The following TRPC7 variants were observed in gnomAD, a reference collection of about 807,000 sequenced individuals.
TRPC7 encodes short transient receptor potential channel 7.
TRPC7 carries 42 observed loss-of-function variants against 90.1 expected under a neutral mutation model. That is an observed-to-expected ratio of 0.47 (90% CI 0.36 to 0.60). The LOEUF is 0.60. Ranked by LOEUF, TRPC7 falls within the 20% of genes least tolerant of loss-of-function variation. The pLI, the probability that TRPC7 is intolerant of heterozygous loss-of-function variation, is 0.00. For synonymous variants in TRPC7, 451 were observed against 436.3 expected, an observed-to-expected ratio of 1.03 and a Z score of -0.42; for missense variants, 955 against 1,112.3, an observed-to-expected ratio of 0.86 and a Z score of 2.01.
At chr5:136,305,327 C>A (rs1758578431) in intron 3 of TRPC7, among the ~76,000 whole-genome samples, 1 of 152,302 alleles carries the variant, frequency 6.6e-6, no homozygotes, top group Admixed American at 6.5e-5. Flanking sequence ...CGCCACACAC[C>A]AGCAAAGGCA....
At chr5:136,279,532 G>A (rs1230107507) in intron 3 of TRPC7, among the ~76,000 whole-genome samples, 2 of 152,104 alleles carry the variant, frequency 1.3e-5, no homozygotes, top group Non-Finnish European at 2.9e-5. Flanking sequence ...GATGTGACTG[G>A]GTTTCCAGTC....
At chr5:136,288,210 A>G (rs1016350168) in intron 3 of TRPC7, among the ~76,000 whole-genome samples, 1 of 152,042 alleles carries the variant, frequency 6.6e-6, no homozygotes, top group African/African-American at 2.4e-5. Context: ...CAGAGCTTGA[A>G]CTACACCAAG....
rs932860543 is a variant in TRPC7 at position 136,233,100 on chromosome 5, ATGTG to A, written c.1845-1555_1845-1552del. 2.3e-3 allele frequency among the ~76,000 whole-genome samples: 344 copies of A among 152,154 alleles called. 1 individual carries two copies. The highest frequency in any genetic ancestry group is 7.5e-3 in the African/African-American group (313 of 41,520). ...TATGTGTATCTGTGTGTGCGTGTGC[ATGTG>A]TGTGTGTCTACCCAGCTGTTTGGCT... On this transcript the variant is annotated intron_variant, in intron 7 of 11. Coordinates refer to ENST00000513104, the MANE Select transcript of TRPC7 (RefSeq NM_020389.3).
rs768307144 is a variant in TRPC7 at position 136,251,848 on chromosome 5, C to G, written c.1380G>C (p.Glu460Asp). Residue 460 changes from glutamate (E) to aspartate (D), a missense_variant, in exon 6 of 12, where the codon GAG (glutamate) becomes GAC (aspartate). Physicochemically the swap from Glu to Asp is conservative, Grantham distance 45. Coordinates refer to ENST00000513104, the MANE Select transcript of TRPC7 (RefSeq NM_020389.3). ...MIWSECKEIWEEGPREYVLHL... is the reference protein window; with the variant it reads ...MIWSECKEIWDEGPREYVLHL... ...GCAGCACGTACTCCCGTGGCCCCTC[C>G]TCCCAGATTTCCTTGCATTCGGACC... The G allele has an allele frequency of 8.7e-6, 14 of 1,613,902 alleles. No homozygotes were observed. In the African/African-American group the frequency reaches 1.7e-4, roughly 20 times the overall value.
At chr5:136,243,049 T>C (rs1472224076) in intron 7 of TRPC7, among the ~76,000 whole-genome samples, 2 of 152,202 alleles carry the variant, frequency 1.3e-5, no homozygotes, top group South Asian at 2.1e-4. Flanking sequence ...CACTGGGCGA[T>C]AGGGCAGGCC....
intron 2 of TRPC7, among the ~76,000 whole-genome samples, chr5:136,348,655 A>G (rs1481041201): frequency 6.6e-6 from 1 of 152,188 alleles, no homozygotes; most frequent in Non-Finnish European, 1.5e-5. Context: ...TAGAAGATTT[A>G]TATGTATTCA....
chr5:136,331,563 C>T (rs140317444), intron 2 of TRPC7, among the ~76,000 whole-genome samples: 2 of 152,290 alleles, frequency 1.3e-5, no homozygotes, highest in East Asian at 1.9e-4. Flanking sequence ...CCTGGGGAAA[C>T]ATTTCTTTCC....
chr5:136,303,293 C>T (rs1402286712), intron 3 of TRPC7, among the ~76,000 whole-genome samples: 2 of 152,182 alleles, frequency 1.3e-5, no homozygotes, highest in East Asian at 3.9e-4. Flanking sequence ...GTCAAAAGGC[C>T]GTCTTATTCT....
At chr5:136,257,339 C>T (rs1756718496) in intron 5 of TRPC7, among the ~76,000 whole-genome samples, 1 of 151,984 alleles carries the variant, frequency 6.6e-6, no homozygotes, top group African/African-American at 2.4e-5. Context: ...CACGCCACCA[C>T]ACCTGGCTAA....
At chr5:136,339,156 T>C (rs1759761221) in intron 2 of TRPC7, among the ~76,000 whole-genome samples, 1 of 152,204 alleles carries the variant, frequency 6.6e-6, no homozygotes, top group Admixed American at 6.5e-5. Context: ...TCTATTATGT[T>C]CCATCTTGCT....
chr5:136,291,298 C>A (rs1278718808), intron 3 of TRPC7, among the ~76,000 whole-genome samples: 1 of 152,164 alleles, frequency 6.6e-6, no homozygotes, highest in Non-Finnish European at 1.5e-5. Context: ...ACAATACTAA[C>A]CTTAAATGTA....
At position 136,313,515 on chromosome 5, in the gene TRPC7, G is replaced by A. The variant is rs538272005; in HGVS notation, c.963+2082C>T. ...TCAGGGATAGATTGTGCTCATGCAAGTATGCTAAAATTCATAAATTAAAAA... is the reference window on the plus strand; with the variant it reads ...TCAGGGATAGATTGTGCTCATGCAAATATGCTAAAATTCATAAATTAAAAA... On this transcript the variant is annotated intron_variant, in intron 3 of 11. Coordinates refer to ENST00000513104, the MANE Select transcript of TRPC7 (RefSeq NM_020389.3). Among the ~76,000 whole-genome samples, 43 of 152,272 alleles carry A rather than the reference G, an allele frequency of 2.8e-4. 1 individual carries two copies. The highest frequency in any genetic ancestry group is 2.6e-3 in the Admixed American group (40 of 15,288).
At chr5:136,251,500 C>T in intron 6 of TRPC7, 149 bp downstream of exon 6, 1 of 657,210 alleles carries the variant, frequency 1.5e-6, no homozygotes. Flanking sequence ...ATGCTCTGCA[C>T]TGACAGTGGA....
chr5:136,286,908 G>A (rs1448861365), intron 3 of TRPC7, among the ~76,000 whole-genome samples: 1 of 152,142 alleles, frequency 6.6e-6, no homozygotes, highest in African/African-American at 2.4e-5. Context: ...TACCTGTGTT[G>A]TTAGCTGCAC....
At chr5:136,265,183 G>A (rs1333592942) in intron 5 of TRPC7, among the ~76,000 whole-genome samples, 1 of 152,112 alleles carries the variant, frequency 6.6e-6, no homozygotes, top group Admixed American at 6.5e-5. Flanking sequence ...TTGACTCATT[G>A]TTTGTGAATA....
chr5:136,286,052 C>A (rs1461775722), intron 3 of TRPC7, among the ~76,000 whole-genome samples: 1 of 152,176 alleles, frequency 6.6e-6, no homozygotes, highest in Admixed American at 6.5e-5. Context: ...ATTTTTGCCT[C>A]ACTGCACCTG....
intron 6 of TRPC7, among the ~76,000 whole-genome samples, chr5:136,250,326 T>C (rs1268126081): frequency 6.6e-6 from 1 of 152,222 alleles, no homozygotes; most frequent in African/African-American, 2.4e-5. Context: ...CTGCAGATCA[T>C]TGTTGTACCT....
intron 3 of TRPC7, among the ~76,000 whole-genome samples, chr5:136,298,941 A>G (rs1206649620): frequency 6.6e-6 from 1 of 152,138 alleles, no homozygotes; most frequent in Non-Finnish European, 1.5e-5. Context: ...GGCAGAGACT[A>G]TGCCTGGCTT....
intron 4 of TRPC7, among the ~76,000 whole-genome samples, chr5:136,267,445 A>G (rs1033434189): frequency 1.3e-5 from 2 of 152,338 alleles, no homozygotes; most frequent in Admixed American, 6.5e-5. Flanking sequence ...TAGATATTCA[A>G]TTATAACCAG....
Sources: allele counts gnomAD v4.1 joint callset (sites outside exome capture counted in the v4.1 genomes callset), GRCh38; gene constraint gnomAD v4.1.1; transcripts MANE v1.5; gene names NCBI Gene and HGNC (gene_info 2026-07-23, HGNC 2026-07-21).